Variants in PIK3C2B observed in about 807,000 individuals in gnomAD.
PIK3C2B encodes phosphatidylinositol 4-phosphate 3-kinase C2 domain-containing subunit beta.
Under a neutral mutation model 184.3 loss-of-function variants are expected in PIK3C2B, and 83 were observed. The observed-to-expected ratio is 0.45, with a 90% CI of 0.38 to 0.54. PIK3C2B has a LOEUF of 0.54. Among genes scored for constraint, PIK3C2B ranks in the 20% least tolerant of loss-of-function variants. The pLI is 0.00. For synonymous variants in PIK3C2B, 779 were observed against 837.6 expected (o/e 0.93, Z 1.21); for missense variants, 1,736 against 2,113.5 (o/e 0.82, Z 3.50).
At chr1:204,478,878 A>C (rs1572392541) in intron 1 of PIK3C2B, among the ~76,000 whole-genome samples, 1 of 152,240 alleles carries the variant, frequency 6.6e-6, no homozygotes, top group African/African-American at 2.4e-5. Flanking sequence ...ACAGCTACAT[A>C]AAGTCAGGTC....
At chr1:204,439,218 C>G (rs539880933) in intron 22 of PIK3C2B, 147 bp from the exon 23 acceptor site, 1 of 792,152 alleles carries the variant, frequency 1.3e-6, no homozygotes, top group East Asian at 2.8e-5. Context: ...AGAGAATAAC[C>G]ATAGAAAGGA....
intron 23 of PIK3C2B, among the ~76,000 whole-genome samples, chr1:204,437,898 A>C (rs1675439124): frequency 6.6e-6 from 1 of 152,210 alleles, no homozygotes; most frequent in Non-Finnish European, 1.5e-5. Context: ...AACCACCTGG[A>C]GGAAGGGAAG....
At chr1:204,429,047 A>G in intron 29 of PIK3C2B, 1 of 333,024 alleles carries the variant, frequency 3.0e-6, no homozygotes. Flanking sequence ...ACATAGTAAA[A>G]CCCTGTCTTT....
At chr1:204,451,843 TC>T (rs1233914251) in intron 12 of PIK3C2B, among the ~76,000 whole-genome samples, 1 of 152,184 alleles carries the variant, frequency 6.6e-6, no homozygotes, top group Non-Finnish European at 1.5e-5. Flanking sequence ...CCAAGAGGGC[TC>T]CCCAGCTAAG....
rs1674611306 is a variant in PIK3C2B at position 204,423,892 on chromosome 1, G to A, written c.*960C>T. ...TGCTCTTGGGTGAAACTACATCTAA[G>A]GACTGAGTCAGTATTTTGTCCCACC... On this transcript the variant is annotated 3_prime_UTR_variant, in exon 33 of 33. Coordinates refer to ENST00000684373, the MANE Select transcript of PIK3C2B (RefSeq NM_001377334.1). 1 of 152,488 alleles carries A rather than the reference G, an allele frequency of 6.6e-6. No homozygotes were observed. The highest frequency in any genetic ancestry group is 2.1e-4 in the South Asian group (1 of 4,818). 9.4% of individuals were successfully genotyped at this position (152,488 alleles called of 1,614,324 possible). A position where few individuals can be genotyped will look rare whatever the true frequency, so the allele number is the denominator to read the frequency against.
intron 1 of PIK3C2B, among the ~76,000 whole-genome samples, chr1:204,475,014 C>T (rs1656607156): frequency 6.6e-6 from 1 of 152,074 alleles, no homozygotes; most frequent in African/African-American, 2.4e-5. Context: ...TTCCTTCTAT[C>T]CTAACTGTGG....
In PIK3C2B at chr1:204,469,773, G is replaced by C; in HGVS notation, c.30C>G (p.His10Gln). Reference sequence around the variant, plus strand: ...TGCCCACTGACTCCAGGGACTTCCAGTGTTCCCCATTGCCCTGAGTCGAAG... The same window carrying C: ...TGCCCACTGACTCCAGGGACTTCCACTGTTCCCCATTGCCCTGAGTCGAAG... MSSTQGNGE[H>Q]WKSLESVGIS... Residue 10 changes from histidine to glutamine, a missense_variant, in exon 2 of 33, where the codon CAC becomes CAG. Around this residue, in one of 8 missense-constraint regions of PIK3C2B, gnomAD observed 404 missense variants for 418.0 expected, o/e 0.97. Transcript: ENST00000684373. 4 of 1,613,912 alleles carry C rather than the reference G, an allele frequency of 2.5e-6. No homozygotes were observed. Among genetic ancestry groups the C allele is most frequent in the East Asian group, 2.2e-5 (1 of 44,876 alleles).
rs769428256 is a variant in PIK3C2B at position 204,431,825 on chromosome 1, C to A, written c.4156-32G>T. ...AGGTCCAGATCTTAGGGTGTACCTG[C>A]CGAGCCCTCTGCACCCAGTGAAGGG... On this transcript the variant is annotated intron_variant, in intron 27 of 32. Coordinates refer to ENST00000684373, the MANE Select transcript of PIK3C2B (RefSeq NM_001377334.1). 8.1e-6 allele frequency: 13 copies of A among 1,613,974 alleles called. No homozygotes were observed. The South Asian group carries it at 1.4e-4, about 18-fold the overall frequency.
In PIK3C2B at chr1:204,478,197, G is replaced by A. The variant is rs540798833; in HGVS notation, c.-84-8311C>T. Among the ~76,000 whole-genome samples the A allele has an allele frequency of 8.5e-5, 13 of 152,204 alleles. No individual in the cohort carries two copies. The East Asian group carries it at 2.5e-3, about 29-fold the overall frequency. ...TAGGACTTAAACCCTTTGGTGTCCA[G>A]GTTTTTCTCTTCAGAGAGGACCTCC... On this transcript the variant is annotated intron_variant, in intron 1 of 32. Transcript: ENST00000684373.
At chr1:204,476,046 G>C (rs1656680275) in intron 1 of PIK3C2B, among the ~76,000 whole-genome samples, 1 of 152,162 alleles carries the variant, frequency 6.6e-6, no homozygotes, top group South Asian at 2.1e-4. Flanking sequence ...TGAAGCGAAG[G>C]TTCAGAGAGC....
chr1:204,426,712 T>A (rs767787336), intron 31 of PIK3C2B, among the ~76,000 whole-genome samples: 13 of 152,222 alleles, frequency 8.5e-5, no homozygotes, highest in Non-Finnish European at 1.8e-4. Flanking sequence ...TGTATCAGTA[T>A]ATAGCAGGCA....
chr1:204,450,487 C>T (rs61762613), intron 12 of PIK3C2B, among the ~76,000 whole-genome samples: 24,047 of 151,932 alleles, frequency 0.16, 2,336 homozygotes, highest in East Asian at 0.41. Flanking sequence ...GGAAGAAGCA[C>T]CATGTTCTCT....
intron 8 of PIK3C2B, among the ~76,000 whole-genome samples, chr1:204,458,352 G>GCCCT (rs1354503383): frequency 6.6e-6 from 1 of 152,092 alleles, no homozygotes; most frequent in Admixed American, 6.5e-5. Context: ...CCTGCATAAA[G>GCCCT]CCCTCCCTGG....
At chr1:204,468,790 A>T (rs983104864) in intron 2 of PIK3C2B, 80 bp downstream of exon 2, 5 of 1,265,504 alleles carry the variant, frequency 4.0e-6, no homozygotes, top group East Asian at 2.4e-5. Flanking sequence ...GCAGAGTTGG[A>T]TGTAGAACAG....
At position 204,424,397 on chromosome 1, in the gene PIK3C2B, T is replaced by C. The variant is rs1674636259; in HGVS notation, c.*455A>G. ...ACCTTAATCATACAAAAAGTCCAAATAGTCTTCCTCTCTTGCCTTCTGGGG... is the reference window on the plus strand; with the variant it reads ...ACCTTAATCATACAAAAAGTCCAAACAGTCTTCCTCTCTTGCCTTCTGGGG... On this transcript the variant is annotated 3_prime_UTR_variant, in exon 33 of 33. Transcript: ENST00000684373. 3.9e-6 allele frequency: 1 copy of C among 253,230 alleles called. No individual in the cohort carries two copies. The highest frequency in any genetic ancestry group is 8.1e-6 in the Non-Finnish European group (1 of 124,122). The allele number at this position is 253,230 out of a possible 1,614,324, so 15.7% of individuals were successfully genotyped here.
intron 2 of PIK3C2B, 58 bp from the exon 3 acceptor site, chr1:204,465,377 G>A (rs1655675809): frequency 9.6e-7 from 1 of 1,047,052 alleles, no homozygotes; most frequent in Admixed American, 1.8e-5. Flanking sequence ...CCCTCCCTAT[G>A]AGGTACTCCA....
Position 204,469,150 on chromosome 1 carries a change from C to A in PIK3C2B, c.653G>T (p.Gly218Val), listed in dbSNP as rs1185392112. 1.9e-6 allele frequency: 3 copies of A among 1,614,190 alleles called. No individual in the cohort carries two copies. The highest frequency in any genetic ancestry group is 2.5e-6 in the Non-Finnish European group (3 of 1,180,010). ...CACAGACCCCAGTAGGCGCCCCTGA[C>A]CCCCACCTCCCAGCACCTCTTCCTC... is the stretch of plus-strand genomic sequence containing the variant. ...LEEEEVLGGG[G>V]QGRLLGSVDY... Residue 218 changes from glycine to valine, a missense_variant, in exon 2 of 33, where the codon GGT (glycine) becomes GTT (valine). Gly to Val is a moderately radical substitution (Grantham distance 109). Transcript: ENST00000684373.
intron 28 of PIK3C2B, 95 bp from the exon 29 acceptor site, chr1:204,430,133 C>T (rs996174117): frequency 1.3e-6 from 1 of 769,582 alleles, no homozygotes; most frequent in Non-Finnish European, 2.2e-6. Flanking sequence ...TTTGCGTTTC[C>T]AGTCCCCTAG....
At chr1:204,492,840 T>A (rs569388930) in intron 1 of PIK3C2B, among the ~76,000 whole-genome samples, 1 of 152,260 alleles carries the variant, frequency 6.6e-6, no homozygotes, top group South Asian at 2.1e-4. Context: ...CTCAGAGCCA[T>A]GGCAATCAAA....
Sources: allele counts gnomAD v4.1 joint callset (sites outside exome capture counted in the v4.1 genomes callset), GRCh38; gene constraint gnomAD v4.1.1; regional missense constraint gnomAD v4.1.1; transcripts MANE v1.5; gene names NCBI Gene and HGNC (gene_info 2026-07-23, HGNC 2026-07-21).